AHCY: variants seen among roughly 807,000 people sequenced by gnomAD.
AHCY encodes adenosylhomocysteinase.
Under a neutral mutation model 45.4 loss-of-function variants are expected in AHCY, and 24 were observed. The ratio of observed to expected loss-of-function variants is 0.53; its 90% CI spans 0.38 to 0.74. The LOEUF is 0.74. Among genes scored for constraint, AHCY ranks in the 30% least tolerant of loss-of-function variants. AHCY has a pLI of 0.00. For synonymous variants in AHCY, 245 were observed against 235.1 expected, an observed-to-expected ratio of 1.04 and a Z score of -0.39; for missense variants, 449 against 594.1, an observed-to-expected ratio of 0.76 and a Z score of 2.54.
chr20:34,297,562 C>T (rs2036615217), intron 1 of AHCY, among the ~76,000 whole-genome samples: 1 of 152,100 alleles, frequency 6.6e-6, no homozygotes, highest in Non-Finnish European at 1.5e-5. Context: ...TCCCAAAGTG[C>T]TGGGATTACA....
At chr20:34,232,127 T>C in the AHCY span, among the ~76,000 whole-genome samples, 1 of 152,190 alleles carries the variant, frequency 6.6e-6, no homozygotes, top group African/African-American at 2.4e-5. Flanking sequence ...TACATGACAA[T>C]AGCACTGAGT....
At chr20:34,304,151 C>A (rs1052167226), upstream of AHCY, among the ~76,000 whole-genome samples, 3 of 152,210 alleles carry the variant, frequency 2.0e-5, no homozygotes, top group African/African-American at 7.2e-5. Context: ...TTAAATAGTT[C>A]TGTGTTTAGC....
At chr20:34,295,233 G>T in intron 2 of AHCY, 162 bp downstream of exon 2, 2 of 868,076 alleles carry the variant, frequency 2.3e-6, no homozygotes, top group African/African-American at 1.7e-5. Flanking sequence ...ACAAGGGGTG[G>T]CAGCACTGGG....
chr20:34,288,204 G>C (rs940496507), intron 8 of AHCY, among the ~76,000 whole-genome samples: 1 of 152,132 alleles, frequency 6.6e-6, no homozygotes, highest in East Asian at 1.9e-4. Context: ...GAGGAGCAGT[G>C]TAGGGGATGT....
upstream of AHCY, among the ~76,000 whole-genome samples, chr20:34,303,697 A>G (rs919740777): frequency 1.3e-5 from 2 of 152,240 alleles, no homozygotes; most frequent in East Asian, 1.9e-4. Context: ...ACAGATTATT[A>G]TAAGTAAAGT....
chr20:34,268,190 A>AGT, the AHCY span, among the ~76,000 whole-genome samples: 8 of 152,226 alleles, frequency 5.3e-5, no homozygotes, highest in Admixed American at 2.6e-4. Flanking sequence ...ACAGATGACC[A>AGT]GTGGCTACCT....
the AHCY span, among the ~76,000 whole-genome samples, chr20:34,234,682 A>T: frequency 1.3e-5 from 2 of 151,948 alleles, no homozygotes; most frequent in Non-Finnish European, 2.9e-5. Flanking sequence ...GGCGCCTATA[A>T]TCCCAGCTAC....
the AHCY span, among the ~76,000 whole-genome samples, chr20:34,240,398 T>C: frequency 3.3e-5 from 5 of 152,178 alleles, no homozygotes; most frequent in Non-Finnish European, 5.9e-5. Context: ...ATGACCCAGT[T>C]TGTGTGATCA....
downstream of AHCY, among the ~76,000 whole-genome samples, chr20:34,278,930 G>A (rs377147152): frequency 9.2e-5 from 14 of 151,824 alleles, 1 homozygote; most frequent in East Asian, 2.5e-3. Flanking sequence ...CCAACATGGT[G>A]AAACCCTGTC....
Position 34,290,186 on chromosome 20 carries a change from C to T in AHCY, c.972+146G>A. On this transcript the variant is annotated intron_variant, in intron 8 of 9. Coordinates refer to ENST00000217426, the MANE Select transcript of AHCY (RefSeq NM_000687.4). The surrounding 1 kb of genome is among the most constrained non-coding windows in gnomAD (Gnocchi z 4.5). ...CCGGCTGCCCACAGGATAAGGTTGCCACGTCTGGCTGGCTCTGATGCTAGG... is the reference window on the plus strand; with the variant it reads ...CCGGCTGCCCACAGGATAAGGTTGCTACGTCTGGCTGGCTCTGATGCTAGG... The T allele has an allele frequency of 1.2e-6, 1 of 825,216 alleles. No homozygotes were observed. Among genetic ancestry groups the T allele is most frequent in the Admixed American group, 1.7e-5 (1 of 57,836 alleles). The allele number at this position is 825,216 out of a possible 1,614,324, so 51.1% of individuals were successfully genotyped here. A position where few individuals can be genotyped will look rare whatever the true frequency, so the allele number is the denominator to read the frequency against.
chr20:34,235,840 A>AGAAAGAAAGAAG, the AHCY span, among the ~76,000 whole-genome samples: 5 of 53,784 alleles, frequency 9.3e-5, no homozygotes, highest in East Asian at 5.2e-4. Flanking sequence ...AAAGAAAGAA[A>AGAAAGAAAGAAG]GAAGGAAGGA....
chr20:34,253,436 TTTTTA>T, the AHCY span, among the ~76,000 whole-genome samples: 18,336 of 147,452 alleles, frequency 0.12, 1,337 homozygotes, highest in African/African-American at 0.19. Context: ...TACGCTCTTA[TTTTTA>T]TTTTATTTTA....
upstream of AHCY, among the ~76,000 whole-genome samples, chr20:34,304,982 C>G (rs1382166818): frequency 2.0e-5 from 3 of 151,302 alleles, no homozygotes; most frequent in Non-Finnish European, 4.4e-5. Flanking sequence ...GCCACCGTGC[C>G]CGGCCTCTAC....
the AHCY span, among the ~76,000 whole-genome samples, chr20:34,268,591 C>A: frequency 2.0e-5 from 3 of 151,876 alleles, no homozygotes; most frequent in African/African-American, 4.8e-5. Flanking sequence ...ATAAATTTAG[C>A]CAAGCGTGGT....
At chr20:34,288,052 G>A (rs1231205519) in intron 8 of AHCY, among the ~76,000 whole-genome samples, 3 of 152,208 alleles carry the variant, frequency 2.0e-5, no homozygotes, top group Non-Finnish European at 4.4e-5. Flanking sequence ...ACAGAAGCAC[G>A]CCCTGGCCAC....
At chr20:34,286,018 T>C in intron 8 of AHCY, 1 of 306,160 alleles carries the variant, frequency 3.3e-6, no homozygotes, top group East Asian at 8.9e-5. Context: ...GGCAGGAGAA[T>C]GGCGTGAACC....
At chr20:34,296,486 T>C (rs1324175726) in intron 1 of AHCY, among the ~76,000 whole-genome samples, 1 of 152,202 alleles carries the variant, frequency 6.6e-6, no homozygotes. Context: ...TGGTTACTAG[T>C]AACAAAAAGT....
At chr20:34,239,278 A>G in the AHCY span, among the ~76,000 whole-genome samples, 1 of 151,320 alleles carries the variant, frequency 6.6e-6, no homozygotes, top group African/African-American at 2.4e-5. Context: ...GTGCAGTGGC[A>G]CAATCTTGGC....
chr20:34,302,561 GGCA>G, intron 1 of AHCY: 1 of 943,632 alleles, frequency 1.1e-6, no homozygotes, highest in African/African-American at 1.8e-5. Flanking sequence ...AAAGCTAGAA[GGCA>G]GTGCCGATCC....
Sources: gnomAD v4.1 joint callset for allele counts (sites outside exome capture counted in the v4.1 genomes callset) on GRCh38, gnomAD v4.1.1 for gene constraint, Gnocchi (gnomAD v3.1) non-coding constraint, MANE v1.5 for transcripts, NCBI Gene and HGNC (gene_info 2026-07-23, HGNC 2026-07-21) for gene names.